The following REV1 variants were observed in gnomAD, a reference collection of about 807,000 sequenced individuals.
REV1 encodes the protein translesion synthesis protein REV1.
REV1 carries 42 observed loss-of-function variants against 137.4 expected under a neutral mutation model. That is an observed-to-expected ratio of 0.31 (90% CI 0.24 to 0.40). The LOEUF (loss-of-function observed/expected upper bound fraction) is 0.40, where lower values mean the gene tolerates loss of function less well. Among genes scored for constraint, REV1 ranks in the 10% least tolerant of loss-of-function variants. The pLI, the probability that REV1 is intolerant of heterozygous loss-of-function variation, is 1.00. For missense variants in REV1, 1,282 were observed against 1,490.1 expected (o/e 0.86, Z 2.30); for synonymous variants, 524 against 519.2 (o/e 1.01, Z -0.12).
intron 9 of REV1, among the ~76,000 whole-genome samples, chr2:99,425,217 T>C (rs1350035338): frequency 6.6e-6 from 1 of 152,128 alleles, no homozygotes; most frequent in African/African-American, 2.4e-5. Context: ...CAATTACTCA[T>C]AGGCCTCTGG....
At chr2:99,404,237 C>G (rs1448541480) in intron 18 of REV1, among the ~76,000 whole-genome samples, 1 of 152,174 alleles carries the variant, frequency 6.6e-6, no homozygotes, top group Non-Finnish European at 1.5e-5. Flanking sequence ...CGTCTCTTCC[C>G]TGCTGCTTCA....
chr2:99,486,584 T>C (rs1010013546), intron 1 of REV1, among the ~76,000 whole-genome samples: 1 of 152,148 alleles, frequency 6.6e-6, no homozygotes, highest in African/African-American at 2.4e-5. Context: ...ACTCAATTAT[T>C]ACTCACCATA....
chr2:99,478,872 G>GT (rs1459945317), intron 1 of REV1, among the ~76,000 whole-genome samples: 1 of 152,108 alleles, frequency 6.6e-6, no homozygotes, highest in Non-Finnish European at 1.5e-5. Context: ...GGTTTTGCCT[G>GT]TACCTAAAAA....
At chr2:99,408,196 T>C in intron 14 of REV1, 65 bp from the exon 15 acceptor site, 1 of 851,054 alleles carries the variant, frequency 1.2e-6, no homozygotes, top group East Asian at 2.7e-5. Context: ...ACTAAAGTAG[T>C]ATGGAACTGT....
intron 1 of REV1, among the ~76,000 whole-genome samples, chr2:99,488,728 T>C (rs1687357153): frequency 6.6e-6 from 1 of 152,134 alleles, no homozygotes; most frequent in South Asian, 2.1e-4. Flanking sequence ...ATTTGCTACA[T>C]ACAGAACTCC....
intron 5 of REV1, among the ~76,000 whole-genome samples, chr2:99,441,162 T>TAC (rs1467381313): frequency 6.6e-6 from 1 of 152,178 alleles, no homozygotes; most frequent in African/African-American, 2.4e-5. Flanking sequence ...ATTTGCTATA[T>TAC]ACCTTGATAG....
At chr2:99,434,291 T>C in intron 8 of REV1, 41 bp downstream of exon 8, 1 of 1,348,814 alleles carries the variant, frequency 7.4e-7, no homozygotes. Flanking sequence ...CCAGAAGCCA[T>C]CCACAGGAGC....
At chr2:99,425,694 A>C (rs1679245325) in intron 9 of REV1, among the ~76,000 whole-genome samples, 1 of 152,248 alleles carries the variant, frequency 6.6e-6, no homozygotes, top group African/African-American at 2.4e-5. Flanking sequence ...ATATAGATTC[A>C]GCATGTAAAA....
At chr2:99,451,897 C>A (rs1179435977) in intron 3 of REV1, among the ~76,000 whole-genome samples, 7 of 152,080 alleles carry the variant, frequency 4.6e-5, no homozygotes, top group Non-Finnish European at 7.4e-5. Context: ...TCAGGTCCAA[C>A]AGGCTGGCAT....
chr2:99,484,610 T>G (rs554200250), intron 1 of REV1, among the ~76,000 whole-genome samples: 1 of 151,854 alleles, frequency 6.6e-6, no homozygotes. Flanking sequence ...GAGAAAAACA[T>G]TAATTACGAT....
chr2:99,404,953 A>G (rs1422050696), intron 17 of REV1, among the ~76,000 whole-genome samples: 1 of 152,172 alleles, frequency 6.6e-6, no homozygotes, highest in East Asian at 1.9e-4. Flanking sequence ...AAATATACTC[A>G]CAGAATGTCC....
intron 1 of REV1, among the ~76,000 whole-genome samples, chr2:99,477,422 C>G (rs1686103486): frequency 6.6e-6 from 1 of 152,106 alleles, no homozygotes. Context: ...ACTGTGGAAC[C>G]CCTAAAACAC....
At chr2:99,428,111 A>T (rs1341370442) in intron 9 of REV1, among the ~76,000 whole-genome samples, 1 of 152,112 alleles carries the variant, frequency 6.6e-6, no homozygotes, top group African/African-American at 2.4e-5. Context: ...CTGGGTATGA[A>T]GGTATAAAGG....
intron 3 of REV1, among the ~76,000 whole-genome samples, chr2:99,459,492 G>A (rs1017827319): frequency 4.6e-5 from 7 of 152,168 alleles, no homozygotes; most frequent in African/African-American, 1.7e-4. Context: ...AATCGCTTGA[G>A]CCTAGGAGTT....
chr2:99,404,041 C>CCA (rs1338099069), intron 18 of REV1, among the ~76,000 whole-genome samples: 11 of 152,100 alleles, frequency 7.2e-5, no homozygotes, highest in African/African-American at 2.4e-4. Flanking sequence ...TTAAAGAAAC[C>CCA]CACTACAACA....
At chr2:99,428,835 C>A (rs1362878316) in intron 9 of REV1, among the ~76,000 whole-genome samples, 2 of 151,624 alleles carry the variant, frequency 1.3e-5, no homozygotes, top group Non-Finnish European at 2.9e-5. Flanking sequence ...TAAAAAAATA[C>A]AAAAAAATTA....
chr2:99,473,070 A>G (rs1685589459), intron 1 of REV1, among the ~76,000 whole-genome samples: 1 of 152,190 alleles, frequency 6.6e-6, no homozygotes. Context: ...CAAGGTATAT[A>G]AAACAAAACA....
At position 99,405,942 on chromosome 2, in the gene REV1, TAA is replaced by T; in HGVS notation, c.2777_2778del (p.Leu926GlnfsTer23). 1 of 1,603,592 alleles carries T rather than the reference TAA, an allele frequency of 6.2e-7. No homozygotes were observed. The highest frequency in any genetic ancestry group is 8.5e-7 in the Non-Finnish European group (1 of 1,175,364). On this transcript the variant is annotated frameshift_variant, in exon 17 of 23. Transcript: ENST00000258428. LOFTEE classifies it high-confidence loss of function. ...LHTPVSVQSR[L>X]NLSIEVPSPS... ...GGTGACGGGACCTCTATACTCAGGT[TAA>T]GTCTCGACTGCACACTGACAGGAGT...
intron 15 of REV1, 111 bp downstream of exon 15, chr2:99,407,918 G>A (rs1671776734): frequency 1.9e-6 from 1 of 520,612 alleles, no homozygotes; most frequent in Non-Finnish European, 3.3e-6. Context: ...AGCAGCTAAA[G>A]ACCTACATAT....
Sources: allele counts gnomAD v4.1 joint callset (sites outside exome capture counted in the v4.1 genomes callset), GRCh38; gene constraint gnomAD v4.1.1; transcripts MANE v1.5; gene names NCBI Gene and HGNC (gene_info 2026-07-23, HGNC 2026-07-21).